CHD1: variants seen among roughly 807,000 people sequenced by gnomAD.
CHD1 encodes the protein chromodomain helicase DNA binding protein 1.
Under a neutral mutation model 224.2 loss-of-function variants are expected in CHD1, and 36 were observed. The ratio of observed to expected loss-of-function variants is 0.16; its 90% CI spans 0.12 to 0.21. The LOEUF (loss-of-function observed/expected upper bound fraction) is 0.21. Among genes scored for constraint, CHD1 ranks in the 10% least tolerant of loss-of-function variants. CHD1 has a pLI of 1.00. For missense variants in CHD1, 1,378 were observed against 1,994.8 expected, an observed-to-expected ratio of 0.69 and a Z score of 5.89; for synonymous variants, 668 against 658.3, an observed-to-expected ratio of 1.01 and a Z score of -0.23.
intron 13 of CHD1, 48 bp from the exon 14 acceptor site, chr5:98,893,654 AT>A: frequency 8.3e-7 from 1 of 1,204,278 alleles, no homozygotes; most frequent in Non-Finnish European, 1.2e-6. Flanking sequence ...CGGAATTCAA[AT>A]TTAGCCTTCC....
Position 98,860,967 on chromosome 5 carries a change from A to G in CHD1, c.4428-899T>C, listed in dbSNP as rs559430980. 1.2e-4 allele frequency among the ~76,000 whole-genome samples: 19 copies of G among 152,332 alleles called. No homozygotes were observed. In the South Asian group the frequency reaches 3.5e-3, roughly 28 times the overall value. ...TAAGGGTAAAAGGTAGGAAGTTAAT[A>G]AAGTACCTTTTTGTTCCTAAGTAAA... is the stretch of plus-strand genomic sequence containing the variant. On this transcript the variant is annotated intron_variant, in intron 32 of 35. Transcript: ENST00000614616.
Position 98,899,462 on chromosome 5 carries a change from G to A in CHD1, c.1085+18C>T, listed in dbSNP as rs1751552924. ...CTTTGAACTATTAAAAGAAGTATATGATATACAGCATACTTACCATCTTTT... is the reference window on the plus strand; with the variant it reads ...CTTTGAACTATTAAAAGAAGTATATAATATACAGCATACTTACCATCTTTT... On this transcript the variant is annotated intron_variant, in intron 8 of 35. Coordinates refer to ENST00000614616, the MANE Select transcript of CHD1 (RefSeq NM_001270.4). 1 of 1,403,930 alleles carries A rather than the reference G, an allele frequency of 7.1e-7. No homozygotes were observed. Among genetic ancestry groups the A allele is most frequent in the Non-Finnish European group, 1.0e-6 (1 of 993,732 alleles). The allele number at this position is 1,403,930 out of a possible 1,614,324, so 87.0% of individuals were successfully genotyped here.
At position 98,869,814 on chromosome 5, in the gene CHD1, C is replaced by G. The variant is rs751644313; in HGVS notation, c.4047G>C (p.Glu1349Asp). The change falls in exon 30 of 36, where the codon GAG becomes GAC. Residue 1349 changes from glutamate to aspartate, a missense_variant. Transcript: ENST00000614616. ...NKAMKSIKVK[E>D]EIKSDSSPLP... is the part of the protein sequence containing the mutation. ...GAGGAGAAGAATCACTCTTTATTTC[C>G]TCTTTCACTTTTATAGACTTCATTG... 1.2e-6 allele frequency: 2 copies of G among 1,611,892 alleles called. No homozygotes were observed. The highest frequency in any genetic ancestry group is 2.2e-5 in the South Asian group (2 of 91,000).
At chr5:98,910,769 A>G (rs1463479316) in intron 2 of CHD1, among the ~76,000 whole-genome samples, 2 of 152,086 alleles carry the variant, frequency 1.3e-5, no homozygotes, top group Non-Finnish European at 2.9e-5. Flanking sequence ...AGTAGTGGAC[A>G]TATTATTCTT....
rs61406690 is a variant in CHD1, at chr5:98,871,369, CAAAAAAAAAAAAA to C, written c.3862-579_3862-567del. 1.4e-3 allele frequency among the ~76,000 whole-genome samples: 67 copies of C among 46,768 alleles called. 1 individual carries two copies. Among genetic ancestry groups the C allele is most frequent in the East Asian group, 2.4e-3 (2 of 836 alleles). 30.7% of individuals were successfully genotyped at this position (46,768 alleles called of 152,430 possible). A position where few individuals can be genotyped will look rare whatever the true frequency, so the allele number is the denominator to read the frequency against. The stretch of plus-strand genomic sequence containing the variant: ...TTCTCCCAGTGTTTCCCATTTTAGG[CAAAAAAAAAAAAA>C]AAAAAAAAAAAAAAAAAGGATTTCA... On this transcript the variant is annotated intron_variant, in intron 28 of 35. Transcript: ENST00000614616.
At chr5:98,911,153 A>C (rs1420800739) in intron 2 of CHD1, among the ~76,000 whole-genome samples, 3 of 119,606 alleles carry the variant, frequency 2.5e-5, no homozygotes, top group South Asian at 2.7e-4. Flanking sequence ...AAAAATATAT[A>C]TATATATATA....
intron 2 of CHD1, among the ~76,000 whole-genome samples, chr5:98,922,300 C>T (rs748481692): frequency 3.4e-4 from 51 of 152,196 alleles, no homozygotes; most frequent in Non-Finnish European, 6.2e-4. Context: ...ACTTCAGTTA[C>T]ATAAAACTTT....
chr5:98,869,622 GCACACACACACACACACA>G (rs113502266), intron 30 of CHD1, 114 bp downstream of exon 30: 6 of 717,984 alleles, frequency 8.4e-6, no homozygotes, highest in Non-Finnish European at 2.3e-6. Flanking sequence ...ACGTGCGCGC[GCACACACACACACACACA>G]CACACACACA....
intron 20 of CHD1, 23 bp from the exon 21 acceptor site, chr5:98,881,398 G>T: frequency 1.7e-6 from 2 of 1,183,930 alleles, no homozygotes; most frequent in Non-Finnish European, 2.4e-6. Context: ...AAACAAAAAT[G>T]CTTAACATTA....
intron 30 of CHD1, 149 bp downstream of exon 30, chr5:98,869,605 C>T (rs1159975737): frequency 2.2e-5 from 16 of 721,088 alleles, no homozygotes; most frequent in South Asian, 1.1e-4. Flanking sequence ...ACTATAAGTG[C>T]GTGCGCACGT....
chr5:98,894,486 C>CTA (rs1349038499), intron 13 of CHD1, 111 bp downstream of exon 13: 12 of 418,132 alleles, frequency 2.9e-5, no homozygotes, highest in East Asian at 2.3e-4. Flanking sequence ...AGACCACAGG[C>CTA]TATAGCTTGC....
chr5:98,903,070 A>T, intron 4 of CHD1, 106 bp from the exon 5 acceptor site: 3 of 554,110 alleles, frequency 5.4e-6, no homozygotes. Flanking sequence ...AAATAACAGC[A>T]CTTGTGAAGC....
Position 98,889,107 on chromosome 5 carries a change from T to C in CHD1, c.2312A>G (p.Asn771Ser), listed in dbSNP as rs1750840231. 6.3e-7 allele frequency: 1 copy of C among 1,597,068 alleles called. No individual in the cohort carries two copies. Residue 771 changes from asparagine to serine, a missense_variant, in exon 16 of 36, where the codon AAT becomes AGT. Asn to Ser is a conservative substitution (Grantham distance 46). Around this residue, in one of 16 missense-constraint regions of CHD1, gnomAD observed 58 missense variants for 90.0 expected, o/e 0.64. Coordinates refer to ENST00000614616, the MANE Select transcript of CHD1 (RefSeq NM_001270.4). Reference sequence around the variant, plus strand: ...GGCCTCCTGTTTATTATAGAATTCATTATTATCTGGTGGTTTAATGAGGTA... The same window carrying C: ...GGCCTCCTGTTTATTATAGAATTCACTATTATCTGGTGGTTTAATGAGGTA... ...HCYLIKPPDN[N>S]EFYNKQEALQ...
At chr5:98,913,453 C>A (rs1323188410) in intron 2 of CHD1, among the ~76,000 whole-genome samples, 1 of 152,112 alleles carries the variant, frequency 6.6e-6, no homozygotes, top group Non-Finnish European at 1.5e-5. Context: ...ATAGCCTGGA[C>A]AAGAGCCAGA....
At position 98,901,292 on chromosome 5, in the gene CHD1, C is replaced by A; in HGVS notation, c.481G>T (p.Gly161Cys). Residue 161 changes from glycine (G) to cysteine (C), a missense_variant, in exon 6 of 36, where the codon GGT (glycine) becomes TGT (cysteine). Physicochemically the swap from Gly to Cys is radical, Grantham distance 159. Around this residue, in one of 16 missense-constraint regions of CHD1, gnomAD observed 306 missense variants for 298.1 expected, o/e 1.03. Coordinates refer to ENST00000614616, the MANE Select transcript of CHD1 (RefSeq NM_001270.4). ...TCTTCTTCAGATTCTGAATCTGAAC[C>A]AGACTGAGATGGAGATCCTGACCCA... ...MSGSGSPSQS[G>C]SDSESEEERE... 6.2e-7 allele frequency: 1 copy of A among 1,613,160 alleles called. No individual in the cohort carries two copies. Among genetic ancestry groups the A allele is most frequent in the African/African-American group, 1.3e-5 (1 of 74,940 alleles).
At position 98,893,626 on chromosome 5, in the gene CHD1, A is replaced by C; in HGVS notation, c.1801-20T>G. On this transcript the variant is annotated intron_variant, in intron 13 of 35. Transcript: ENST00000614616. ...GAATGCCTTAAAATAATAGAAAAAC[A>C]GTATTTTGAGAGAAAAACGGAATTC... 3 of 1,463,258 alleles carry C rather than the reference A, an allele frequency of 2.1e-6. No individual in the cohort carries two copies. The highest frequency in any genetic ancestry group is 2.8e-6 in the Non-Finnish European group (3 of 1,085,140). The allele number at this position is 1,463,258 out of a possible 1,614,324, so 90.6% of individuals were successfully genotyped here. A position where few individuals can be genotyped will look rare whatever the true frequency, so the allele number is the denominator to read the frequency against.
At chr5:98,902,807 G>A in intron 5 of CHD1, 93 bp downstream of exon 5, 2 of 707,820 alleles carry the variant, frequency 2.8e-6, no homozygotes, top group Non-Finnish European at 4.7e-6. Context: ...ATTTAGAAGA[G>A]TCTCCTTTTG....
rs1751553419 is a variant in CHD1 at position 98,899,468 on chromosome 5, C to T, written c.1085+12G>A. On this transcript the variant is annotated intron_variant, in intron 8 of 35. Coordinates refer to ENST00000614616, the MANE Select transcript of CHD1 (RefSeq NM_001270.4). ...ACTATTAAAAGAAGTATATGATATA[C>T]AGCATACTTACCATCTTTTTGTTTC... 2 of 1,460,794 alleles carry T rather than the reference C, an allele frequency of 1.4e-6. No homozygotes were observed. The highest frequency in any genetic ancestry group is 1.9e-6 in the Non-Finnish European group (2 of 1,044,258). The allele number at this position is 1,460,794 out of a possible 1,614,324, so 90.5% of individuals were successfully genotyped here.
At chr5:98,928,027 T>C (rs1286980361) in intron 1 of CHD1, among the ~76,000 whole-genome samples, 1 of 152,126 alleles carries the variant, frequency 6.6e-6, no homozygotes, top group Non-Finnish European at 1.5e-5. Context: ...GAAACCATCC[T>C]CACTCATCCA....
Sources: allele counts gnomAD v4.1 joint callset (sites outside exome capture counted in the v4.1 genomes callset), GRCh38; gene constraint gnomAD v4.1.1; regional missense constraint gnomAD v4.1.1; transcripts MANE v1.5; gene names NCBI Gene and HGNC (gene_info 2026-07-23, HGNC 2026-07-21).